The following ATP1B3 variants were observed in gnomAD, a reference collection of about 807,000 sequenced individuals.
ATP1B3 encodes the protein sodium/potassium-transporting ATPase subunit beta-3.
A neutral mutation model predicts 30.2 loss-of-function variants in ATP1B3; 10 were observed. That is an observed-to-expected ratio of 0.33 (90% CI 0.20 to 0.56). ATP1B3 has a LOEUF of 0.56. ATP1B3 is among the 20% of genes least tolerant of loss of function. ATP1B3 has a pLI of 0.90. For synonymous variants in ATP1B3, 113 were observed against 117.0 expected, an observed-to-expected ratio of 0.97 and a Z score of 0.22; for missense variants, 238 against 336.7, an observed-to-expected ratio of 0.71 and a Z score of 2.29.
At chr3:141,881,423 T>G (rs1486233412) in intron 1 of ATP1B3, among the ~76,000 whole-genome samples, 1 of 152,190 alleles carries the variant, frequency 6.6e-6, no homozygotes, top group African/African-American at 2.4e-5. Context: ...TTTGTGTGCC[T>G]TTTCTTTTAC....
Position 141,921,789 on chromosome 3 carries a change from A to T in ATP1B3, c.583-188A>T, listed in dbSNP as rs184163450. The T allele has an allele frequency of 5.5e-3, 2,429 of 439,292 alleles. 9 individuals are homozygous for T. The highest frequency in any genetic ancestry group is 8.0e-3 in the Non-Finnish European group (1,971 of 246,686). The allele number at this position is 439,292 out of a possible 1,614,324, so 27.2% of individuals were successfully genotyped here. On this transcript the variant is annotated intron_variant, in intron 5 of 6. Transcript: ENST00000286371. Reference sequence around the variant, plus strand: ...CAGGATAGTTCATGTGGAAGGGGTTAGTTAGATAATATTTGCAATCAAGAT... The same window carrying T: ...CAGGATAGTTCATGTGGAAGGGGTTTGTTAGATAATATTTGCAATCAAGAT...
intron 1 of ATP1B3, among the ~76,000 whole-genome samples, chr3:141,882,917 G>A (rs1438717068): frequency 6.6e-6 from 1 of 152,100 alleles, no homozygotes; most frequent in Non-Finnish European, 1.5e-5. Context: ...ATAACCACCT[G>A]CCTATCAGAA....
chr3:141,881,287 G>A (rs1933721570), intron 1 of ATP1B3, among the ~76,000 whole-genome samples: 1 of 152,016 alleles, frequency 6.6e-6, no homozygotes, highest in Admixed American at 6.6e-5. Context: ...CTTCTTTGGG[G>A]TTCATTATCT....
At chr3:141,887,781 G>A (rs148973067) in intron 1 of ATP1B3, among the ~76,000 whole-genome samples, 4 of 152,130 alleles carry the variant, frequency 2.6e-5, no homozygotes, top group South Asian at 2.1e-4. Context: ...GGTTGACTGC[G>A]AACGAAAGCC....
At chr3:141,913,947 T>C in intron 4 of ATP1B3, 111 bp downstream of exon 4, 2 of 1,041,772 alleles carry the variant, frequency 1.9e-6, no homozygotes, top group South Asian at 2.0e-5. Flanking sequence ...TTAAAAGTTA[T>C]CATTTGGGGG....
intron 6 of ATP1B3, among the ~76,000 whole-genome samples, chr3:141,923,067 C>T (rs1448525129): frequency 2.0e-5 from 3 of 152,130 alleles, no homozygotes; most frequent in South Asian, 2.1e-4. Context: ...CACCTGAGGT[C>T]AGGAGTTCTA....
intron 2 of ATP1B3, among the ~76,000 whole-genome samples, chr3:141,906,826 C>T (rs1418977575): frequency 6.6e-6 from 1 of 152,164 alleles, no homozygotes; most frequent in Non-Finnish European, 1.5e-5. Flanking sequence ...ATTAATGGCA[C>T]ATTGACAAAA....
In ATP1B3 at chr3:141,876,857, TC is replaced by T. The variant is rs1933604185; in HGVS notation, c.57del (p.Phe19LeufsTer20). The T allele has an allele frequency of 6.3e-7, 1 of 1,585,138 alleles. No homozygotes were observed. The highest frequency in any genetic ancestry group is 8.6e-7 in the Non-Finnish European group (1 of 1,165,756). On this transcript the variant is annotated frameshift_variant, in exon 1 of 7. Coordinates refer to ENST00000286371, the MANE Select transcript of ATP1B3 (RefSeq NM_001679.4). LOFTEE classifies it high-confidence loss of function. Reference protein sequence around the residue: ...LNQSLAEWKLFIYNPTTGEFL... With the variant: ...LNQSLAEWKLXIYNPTTGEFL... ...CAGAGCCTGGCCGAGTGGAAGCTCTTCATCTACAACCCGACCACCGGAGAAT... is the reference window on the plus strand; with the variant it reads ...CAGAGCCTGGCCGAGTGGAAGCTCTTATCTACAACCCGACCACCGGAGAAT...
At chr3:141,924,675 C>T (rs541863271) in intron 6 of ATP1B3, among the ~76,000 whole-genome samples, 16 of 151,458 alleles carry the variant, frequency 1.1e-4, no homozygotes, top group Non-Finnish European at 2.1e-4. Flanking sequence ...TGATAAGGGT[C>T]GGGTGTGGCG....
chr3:141,889,523 A>G (rs1285430493), intron 1 of ATP1B3, among the ~76,000 whole-genome samples: 1 of 151,894 alleles, frequency 6.6e-6, no homozygotes, highest in African/African-American at 2.4e-5. Context: ...TGAGGTCAGG[A>G]GTTCAAGACC....
chr3:141,890,285 C>CTT lies in ATP1B3; in HGVS notation c.110-13301_110-13300dup, dbSNP rs775182342. 1.4e-3 allele frequency among the ~76,000 whole-genome samples: 40 copies of CTT among 28,554 alleles called. 2 individuals carry two copies. The highest frequency in any genetic ancestry group is 2.1e-3 in the Non-Finnish European group (36 of 17,358). 18.7% of individuals were successfully genotyped at this position (28,554 alleles called of 152,430 possible). ...TTTGTTTGTTTGTTTTTTTGTGGGGCTTTTTTTTTTTTTTTTTTTTTTTTT... is the reference window on the plus strand; with the variant it reads ...TTTGTTTGTTTGTTTTTTTGTGGGGCTTTTTTTTTTTTTTTTTTTTTTTTTTT... On this transcript the variant is annotated intron_variant, in intron 1 of 6. Transcript: ENST00000286371.
At chr3:141,910,992 G>A (rs1006400668) in intron 3 of ATP1B3, among the ~76,000 whole-genome samples, 1 of 149,824 alleles carries the variant, frequency 6.7e-6, no homozygotes, top group Non-Finnish European at 1.5e-5. Context: ...TTCTCTGAAA[G>A]TTTTTCATTT....
At chr3:141,904,532 G>A (rs962255270) in intron 2 of ATP1B3, among the ~76,000 whole-genome samples, 1 of 151,756 alleles carries the variant, frequency 6.6e-6, no homozygotes, top group Non-Finnish European at 1.5e-5. Flanking sequence ...TTGGTAAGTT[G>A]TTAAATAATG....
chr3:141,914,438 G>A (rs1041415912), intron 4 of ATP1B3, among the ~76,000 whole-genome samples: 5 of 152,220 alleles, frequency 3.3e-5, no homozygotes, highest in Admixed American at 6.5e-5. Flanking sequence ...AGCAAAGGAA[G>A]AAGCTAATGT....
intron 1 of ATP1B3, among the ~76,000 whole-genome samples, chr3:141,880,691 AG>A (rs1559863589): frequency 6.6e-6 from 1 of 152,160 alleles, no homozygotes; most frequent in Non-Finnish European, 1.5e-5. Context: ...TGTTTCATGA[AG>A]CTTTTGTGTA....
intron 1 of ATP1B3, among the ~76,000 whole-genome samples, chr3:141,900,905 C>T (rs1934149678): frequency 6.6e-6 from 1 of 152,164 alleles, no homozygotes; most frequent in Non-Finnish European, 1.5e-5. Context: ...ATCTCAGCCT[C>T]TCAAGTAGCT....
At position 141,907,253 on chromosome 3, in the gene ATP1B3, G is replaced by A; in HGVS notation, c.325G>A (p.Asp109Asn). 1 of 1,611,184 alleles carries A rather than the reference G, an allele frequency of 6.2e-7. No individual in the cohort carries two copies. The change falls in exon 3 of 7, where the codon GAC becomes AAC. Residue 109 changes from aspartate to asparagine, a missense_variant. Coordinates refer to ENST00000286371, the MANE Select transcript of ATP1B3 (RefSeq NM_001679.4). The stretch of plus-strand genomic sequence containing the variant: ...AACTTCGTATGCAGGGTACATTGAA[G>A]ACCTTAAGAAGTTTCTAAAACGTGA... ...DPTSYAGYIEDLKKFLKPYTL... is the reference protein window; with the variant it reads ...DPTSYAGYIENLKKFLKPYTL...
chr3:141,893,085 A>G (rs1414969405), intron 1 of ATP1B3, among the ~76,000 whole-genome samples: 1 of 152,050 alleles, frequency 6.6e-6, no homozygotes, highest in African/African-American at 2.4e-5. Flanking sequence ...TGCAGCCTCC[A>G]CAAGCTTCCA....
At chr3:141,889,870 G>A (rs1933909469) in intron 1 of ATP1B3, among the ~76,000 whole-genome samples, 2 of 146,448 alleles carry the variant, frequency 1.4e-5, no homozygotes, top group Admixed American at 1.4e-4. Context: ...AGCTGTACCA[G>A]TTTATACTCC....
Sources: gnomAD v4.1 joint callset for allele counts (sites outside exome capture counted in the v4.1 genomes callset) on GRCh38, gnomAD v4.1.1 for gene constraint, MANE v1.5 for transcripts, NCBI Gene and HGNC (gene_info 2026-07-23, HGNC 2026-07-21) for gene names.